The following PARP15 variants were observed in gnomAD, a reference collection of about 807,000 sequenced individuals.
PARP15 encodes the protein poly(ADP-ribose) polymerase family member 15.
In PARP15, 50 loss-of-function variants were observed where a neutral mutation model predicts 62.1. The observed-to-expected ratio is 0.81, with a 90% CI of 0.64 to 1.02. The LOEUF (loss-of-function observed/expected upper bound fraction) is 1.02. Among genes scored for constraint, PARP15 ranks in the 50% least tolerant of loss-of-function variants. The pLI is 0.00. For missense variants in PARP15, 820 were observed against 826.5 expected, an observed-to-expected ratio of 0.99 and a Z score of 0.10; for synonymous variants, 309 against 293.1, an observed-to-expected ratio of 1.05 and a Z score of -0.55.
chr3:122,585,689 G>T (rs6779388), intron 1 of PARP15, among the ~76,000 whole-genome samples: 56,484 of 152,018 alleles, frequency 0.37, 10,924 homozygotes, highest in Admixed American at 0.46. Flanking sequence ...GTCTGATACA[G>T]TTACATTTTT....
chr3:122,590,299 G>A (rs1933796382), intron 1 of PARP15, among the ~76,000 whole-genome samples: 1 of 151,810 alleles, frequency 6.6e-6, no homozygotes, highest in South Asian at 2.1e-4. Context: ...TTGAGATGGG[G>A]TCTCGCTCTG....
intron 5 of PARP15, among the ~76,000 whole-genome samples, chr3:122,616,158 T>A (rs1252195501): frequency 6.6e-6 from 1 of 152,166 alleles, no homozygotes; most frequent in Non-Finnish European, 1.5e-5. Flanking sequence ...TTATTTAACG[T>A]GTACAATGGC....
chr3:122,583,655 A>C (rs183354807), intron 1 of PARP15, among the ~76,000 whole-genome samples: 8 of 152,270 alleles, frequency 5.3e-5, no homozygotes, highest in African/African-American at 1.9e-4. Context: ...GCTTGCTTTT[A>C]AGCTTTGTTA....
chr3:122,606,568 C>T (rs899845866), intron 2 of PARP15, among the ~76,000 whole-genome samples: 3 of 152,152 alleles, frequency 2.0e-5, no homozygotes, highest in African/African-American at 7.2e-5. Flanking sequence ...CTTGGAATCA[C>T]CAGTTAACAG....
chr3:122,627,169 G>C (rs1936789619), intron 9 of PARP15, 136 bp downstream of exon 9: 10 of 769,428 alleles, frequency 1.3e-5, no homozygotes, highest in Non-Finnish European at 2.0e-5. Flanking sequence ...ATGATCCATG[G>C]GAAAAGTATA....
At chr3:122,599,686 A>G (rs1934645795) in intron 1 of PARP15, among the ~76,000 whole-genome samples, 2 of 152,044 alleles carry the variant, frequency 1.3e-5, no homozygotes, top group Admixed American at 1.3e-4. Context: ...TAATCTTTCC[A>G]CTTCAGCCTC....
rs1264073731 is a variant in PARP15, at chr3:122,636,116, CAA to C, written c.*18_*19del. ...CACGGCTTAAAAATATTTTTATCAT[CAA>C]AGAGATGATTTAAGTCATCTGTAAG... On this transcript the variant is annotated 3_prime_UTR_variant, in exon 12 of 12. Transcript: ENST00000464300. 1 of 1,596,044 alleles carries C rather than the reference CAA, an allele frequency of 6.3e-7. No individual in the cohort carries two copies. The highest frequency in any genetic ancestry group is 1.3e-5 in the African/African-American group (1 of 74,466).
intron 11 of PARP15, 135 bp downstream of exon 11, chr3:122,635,329 A>G: frequency 2.7e-6 from 2 of 731,906 alleles, no homozygotes; most frequent in Admixed American, 3.6e-5. Flanking sequence ...GTTTCACTGT[A>G]AAGGAGACTG....
chr3:122,626,899 A>G lies in PARP15; in HGVS notation c.1304A>G (p.His435Arg), dbSNP rs202191810. The change falls in exon 9 of 12, where the codon CAT becomes CGT. Residue 435 changes from histidine to arginine, a missense_variant. Physicochemically the swap from His to Arg is conservative, Grantham distance 29 (BLOSUM62 0). Transcript: ENST00000464300. ...GCTATTGTAGACTTCTCATCACAAC[A>G]TTCCACCCCATCATTAAAAACAGTT... ...IDAIVDFSSQ[H>R]STPSLKTVKV... 4.0e-5 allele frequency: 64 copies of G among 1,613,994 alleles called. No individual in the cohort carries two copies. The highest frequency in any genetic ancestry group is 4.5e-5 in the East Asian group (2 of 44,892).
At chr3:122,588,284 C>T (rs1311478056) in intron 1 of PARP15, among the ~76,000 whole-genome samples, 3 of 151,472 alleles carry the variant, frequency 2.0e-5, no homozygotes. Context: ...TTATTTTTGC[C>T]ATTAAAATTA....
chr3:122,591,501 G>A (rs1376589523), intron 1 of PARP15, among the ~76,000 whole-genome samples: 6 of 152,182 alleles, frequency 3.9e-5, no homozygotes, highest in Admixed American at 2.0e-4. Context: ...AGTGGCTCAC[G>A]CCTGTAATCC....
intron 4 of PARP15, chr3:122,615,541 C>CTTGTGCTG (rs1935904555): frequency 1.6e-5 from 18 of 1,134,526 alleles, no homozygotes; most frequent in Non-Finnish European, 2.2e-5. Context: ...AGCACCCCTG[C>CTTGTGCTG]TGACATACTT....
At position 122,577,961 on chromosome 3, in the gene PARP15, C is replaced by T. The variant is rs1239484422; in HGVS notation, c.186+108C>T. 6 of 1,249,680 alleles carry T rather than the reference C, an allele frequency of 4.8e-6. No homozygotes were observed. The East Asian group carries it at 1.4e-4, about 28-fold the overall frequency. 77.4% of individuals were successfully genotyped at this position (1,249,680 alleles called of 1,614,324 possible). A position where few individuals can be genotyped will look rare whatever the true frequency, so the allele number is the denominator to read the frequency against. On this transcript the variant is annotated intron_variant, in intron 1 of 11. Transcript: ENST00000464300. ...GCAGAGACCCCACGCCACGCACAAC[C>T]CTCTCTTCTAGGGGGCGCCGACTAC...
chr3:122,618,589 A>G (rs948068001), intron 6 of PARP15, among the ~76,000 whole-genome samples: 1 of 152,196 alleles, frequency 6.6e-6, no homozygotes, highest in African/African-American at 2.4e-5. Context: ...TAGCAGTTAG[A>G]CTACTTGATT....
At position 122,636,109 on chromosome 3, in the gene PARP15, T is replaced by G; in HGVS notation, c.*9T>G. The G allele has an allele frequency of 6.2e-7, 1 of 1,603,238 alleles. No individual in the cohort carries two copies. The highest frequency in any genetic ancestry group is 8.5e-7 in the Non-Finnish European group (1 of 1,172,450). On this transcript the variant is annotated 3_prime_UTR_variant, in exon 12 of 12. Transcript: ENST00000464300. ...TAACTTTCACGGCTTAAAAATATTT[T>G]TATCATCAAAGAGATGATTTAAGTC...
intron 8 of PARP15, among the ~76,000 whole-genome samples, chr3:122,626,196 CTTTTTT>C (rs34106420): frequency 1.6e-5 from 2 of 122,114 alleles, no homozygotes; most frequent in African/African-American, 6.3e-5. Flanking sequence ...AGCTGTCACT[CTTTTTT>C]TTTTTTTTTT....
chr3:122,631,692 C>A (rs1446051532), intron 9 of PARP15, among the ~76,000 whole-genome samples: 1 of 152,166 alleles, frequency 6.6e-6, no homozygotes, highest in Admixed American at 6.5e-5. Flanking sequence ...GCAAGGTAAT[C>A]ATTTTCAAAA....
At chr3:122,616,706 T>A (rs567938429) in intron 5 of PARP15, among the ~76,000 whole-genome samples, 2 of 152,238 alleles carry the variant, frequency 1.3e-5, no homozygotes, top group East Asian at 3.9e-4. Context: ...TCCCTTTTTT[T>A]TCTCACTCCT....
At position 122,577,773 on chromosome 3, in the gene PARP15, G is replaced by C. The variant is rs371313074; in HGVS notation, c.106G>C (p.Asp36His). ...VAGVTSRAGR[D>H]REAGSVLPAG... ...AGGTGTTACTTCCAGAGCCGGACGA[G>C]ATCGGGAGGCGGGGAGCGTGCTGCC... Residue 36 changes from aspartate (D) to histidine (H), a missense_variant, in exon 1 of 12, where the codon GAT (aspartate) becomes CAT (histidine). This residue lies in a region of PARP15 where 731 missense variants were observed against 727.7 expected (regional missense o/e 1.00). Coordinates refer to ENST00000464300, the MANE Select transcript of PARP15 (RefSeq NM_001113523.3). The C allele has an allele frequency of 6.1e-5, 95 of 1,551,580 alleles. No homozygotes were observed. In the East Asian group the frequency reaches 1.6e-3, roughly 26 times the overall value.
Sources: gnomAD v4.1 joint callset for allele counts (sites outside exome capture counted in the v4.1 genomes callset) on GRCh38, gnomAD v4.1.1 for gene constraint, gnomAD v4.1.1 regional missense constraint, MANE v1.5 for transcripts, NCBI Gene and HGNC (gene_info 2026-07-23, HGNC 2026-07-21) for gene names.